Variants in ATIC observed in about 807,000 individuals in gnomAD.
ATIC encodes the protein 5-aminoimidazole-4-carboxamide ribonucleotide formyltransferase/IMP cyclohydrolase, also known as bifunctional purine biosynthesis protein ATIC.
ATIC carries 64 observed loss-of-function variants against 72.5 expected under a neutral mutation model. That is an observed-to-expected ratio of 0.88 (90% CI 0.72 to 1.09). The LOEUF is 1.09. ATIC is among the 50% of genes least tolerant of loss of function. ATIC has a pLI of 0.00. For synonymous variants in ATIC, 281 were observed against 267.1 expected (o/e 1.05, Z -0.51); for missense variants, 787 against 732.4 (o/e 1.07, Z -0.86).
chr2:215,318,259 A>G, intron 3 of ATIC, 26 bp downstream of exon 3: 1 of 1,592,396 alleles, frequency 6.3e-7, no homozygotes, highest in Non-Finnish European at 8.6e-7. Flanking sequence ...CTTTAATGTA[A>G]AAACAGTCAG....
chr2:215,358,685 T>C, the ATIC span, among the ~76,000 whole-genome samples: 2 of 152,250 alleles, frequency 1.3e-5, no homozygotes, highest in Non-Finnish European at 2.9e-5. Flanking sequence ...GCCTTGTAAA[T>C]GTGTTTAATT....
downstream of ATIC, among the ~76,000 whole-genome samples, chr2:215,350,488 A>C (rs902804987): frequency 6.6e-6 from 1 of 150,612 alleles, no homozygotes; most frequent in Non-Finnish European, 1.5e-5. Context: ...CTACTTTCCA[A>C]ACAAACAGCA....
rs200997625 is a variant in ATIC, at chr2:215,332,441, G to T, written c.748G>T (p.Val250Leu). 1 of 1,614,096 alleles carries T rather than the reference G, an allele frequency of 6.2e-7. No homozygotes were observed. The highest frequency in any genetic ancestry group is 1.7e-5 in the Admixed American group (1 of 60,018). The change falls in exon 8 of 16, where the codon GTG becomes TTG. Residue 250 changes from valine to leucine, a missense_variant. By Grantham distance (32) the Val-to-Leu change is conservative (BLOSUM62 1). Coordinates refer to ENST00000236959, the MANE Select transcript of ATIC (RefSeq NM_004044.7). ...CGATGCTTTGAACGCCTGGCAGCTG[G>T]TGAAGGAACTCAAGGAGGCTTTAGG... ...LCDALNAWQL[V>L]KELKEALGIP...
At chr2:215,344,898 G>C in intron 13 of ATIC, 27 bp downstream of exon 13, 2 of 1,595,516 alleles carry the variant, frequency 1.3e-6, no homozygotes, top group Non-Finnish European at 1.7e-6. Context: ...ACTCGCCTTC[G>C]GGGGACTGTT....
rs555184637 is a variant in ATIC at position 215,326,022 on chromosome 2, C to T, written c.415C>T (p.His139Tyr). ...CTTACTGAGAGCTGCAGCCAAAAAC[C>T]ACGCTCGAGTGACAGTGGTGTGTGA... Reference protein sequence around the residue: ...VTLLRAAAKNHARVTVVCEPE... With the variant: ...VTLLRAAAKNYARVTVVCEPE... Residue 139 changes from histidine to tyrosine, a missense_variant, in exon 6 of 16, where the codon CAC becomes TAC. Physicochemically the swap from His to Tyr is moderately conservative, Grantham distance 83. Coordinates refer to ENST00000236959, the MANE Select transcript of ATIC (RefSeq NM_004044.7). 1.3e-4 allele frequency: 213 copies of T among 1,614,094 alleles called. 1 individual carries two copies. In the South Asian group the frequency reaches 2.3e-3, roughly 17 times the overall value.
intron 5 of ATIC, 101 bp from the exon 6 acceptor site, chr2:215,325,886 C>T: frequency 7.0e-7 from 1 of 1,432,428 alleles, no homozygotes; most frequent in Non-Finnish European, 9.7e-7. Flanking sequence ...ATTTTTAAGT[C>T]AGGAATTAAA....
intron 2 of ATIC, among the ~76,000 whole-genome samples, chr2:215,313,699 T>C (rs908590723): frequency 6.6e-6 from 1 of 152,190 alleles, no homozygotes; most frequent in Non-Finnish European, 1.5e-5. Flanking sequence ...TTTGTGCAGT[T>C]CCCAGCTATG....
chr2:215,326,230 A>C, intron 6 of ATIC, 92 bp downstream of exon 6: 1 of 1,493,392 alleles, frequency 6.7e-7, no homozygotes, highest in Non-Finnish European at 9.3e-7. Context: ...AGATTGCATT[A>C]CCTACCAAAG....
At position 215,336,136 on chromosome 2, in the gene ATIC, T is replaced by A. The variant is rs2052952316; in HGVS notation, c.1098+12T>A. On this transcript the variant is annotated intron_variant, in intron 11 of 15. Transcript: ENST00000236959. ...ATTGTGTCCTTCAGGTGAGTGCAAT[T>A]CATGTTTGAAGCGGTAATTTGCTCT... is the stretch of plus-strand genomic sequence containing the variant. The A allele has an allele frequency of 4.4e-6, 7 of 1,589,788 alleles. No individual in the cohort carries two copies. Among genetic ancestry groups the A allele is most frequent in the Non-Finnish European group, 6.0e-6 (7 of 1,158,114 alleles).
At chr2:215,359,408 G>A in the ATIC span, among the ~76,000 whole-genome samples, 1 of 152,176 alleles carries the variant, frequency 6.6e-6, no homozygotes, top group South Asian at 2.1e-4. Flanking sequence ...CCTTCCCACA[G>A]TGTGTAGATT....
chr2:215,359,832 AT>A, the ATIC span, among the ~76,000 whole-genome samples: 1 of 152,090 alleles, frequency 6.6e-6, no homozygotes, highest in Admixed American at 6.5e-5. Flanking sequence ...TTCATTGTAC[AT>A]TAGTATATTT....
rs368883626 is a variant in ATIC at position 215,318,201 on chromosome 2, G to A, written c.191G>A (p.Arg64His). The A allele has an allele frequency of 1.2e-4, 200 of 1,613,996 alleles. No homozygotes were observed. The highest frequency in any genetic ancestry group is 1.5e-4 in the Non-Finnish European group (172 of 1,179,992). Residue 64 changes from arginine (R) to histidine (H), a missense_variant, in exon 3 of 16, where the codon CGT becomes CAT. Coordinates refer to ENST00000236959, the MANE Select transcript of ATIC (RefSeq NM_004044.7). ...GGATTTCCTGAAATGTTGGGGGGAC[G>A]TGTGAAAACTTTGCATCCTGCAGTC... Reference protein sequence around the residue: ...LTGFPEMLGGRVKTLHPAVHA... With the variant: ...LTGFPEMLGGHVKTLHPAVHA...
At position 215,332,541 on chromosome 2, in the gene ATIC, G is replaced by T. The variant is rs995853353; in HGVS notation, c.814+34G>T. 12 of 1,609,600 alleles carry T rather than the reference G, an allele frequency of 7.5e-6. No individual in the cohort carries two copies. The African/African-American group carries it at 1.6e-4, about 22-fold the overall frequency. On this transcript the variant is annotated intron_variant, in intron 8 of 15. Coordinates refer to ENST00000236959, the MANE Select transcript of ATIC (RefSeq NM_004044.7). ...CTGTGCTCTGGAAAGCTCCAGAATTGTTCGAAAGGCATTTCTTCTTAAATT... is the reference window on the plus strand; with the variant it reads ...CTGTGCTCTGGAAAGCTCCAGAATTTTTCGAAAGGCATTTCTTCTTAAATT...
chr2:215,360,553 A>C, the ATIC span: 1 of 152,224 alleles, frequency 6.6e-6, no homozygotes, highest in Non-Finnish European at 1.5e-5. Context: ...GAAGAATTAC[A>C]ATGGTTAGAA....
At chr2:215,333,573 AG>A (rs1273591749) in intron 9 of ATIC, 116 bp downstream of exon 9, 90 of 697,810 alleles carry the variant, frequency 1.3e-4, no homozygotes, top group Non-Finnish European at 2.0e-4. Flanking sequence ...TATAATATAT[AG>A]ATGAAATTAA....
intron 7 of ATIC, among the ~76,000 whole-genome samples, chr2:215,329,405 A>G (rs1237875625): frequency 6.6e-6 from 1 of 152,208 alleles, no homozygotes; most frequent in Non-Finnish European, 1.5e-5. Flanking sequence ...GCGGCCCTGG[A>G]CACGTAAATA....
chr2:215,327,001 C>T (rs2052835671), intron 7 of ATIC, 23 bp downstream of exon 7: 1 of 1,614,150 alleles, frequency 6.2e-7, no homozygotes, highest in African/African-American at 1.3e-5. Flanking sequence ...CGTTCTGTGG[C>T]ATGGTTTGCT....
rs1483930243 is a variant in ATIC, at chr2:215,319,637, A to G, written c.224-28A>G. The G allele has an allele frequency of 4.6e-6, 7 of 1,522,916 alleles. No homozygotes were observed. The African/African-American group carries it at 9.6e-5, about 21-fold the overall frequency. 94.3% of individuals were successfully genotyped at this position (1,522,916 alleles called of 1,614,324 possible). A position where few individuals can be genotyped will look rare whatever the true frequency, so the allele number is the denominator to read the frequency against. ...TAATCTGACTTGTTTTTTGAAGCTA[A>G]TGACTTTGTTTAACTTTTTTAAATT... On this transcript the variant is annotated intron_variant, in intron 3 of 15. Coordinates refer to ENST00000236959, the MANE Select transcript of ATIC (RefSeq NM_004044.7).
intron 11 of ATIC, among the ~76,000 whole-genome samples, chr2:215,337,056 G>C (rs964281001): frequency 2.5e-4 from 35 of 142,288 alleles, no homozygotes; most frequent in African/African-American, 8.2e-4. Context: ...CATATTCTTT[G>C]ATGATTTTTC....
Sources: gnomAD v4.1 joint callset for allele counts (sites outside exome capture counted in the v4.1 genomes callset) on GRCh38, gnomAD v4.1.1 for gene constraint, MANE v1.5 for transcripts, NCBI Gene and HGNC (gene_info 2026-07-23, HGNC 2026-07-21) for gene names.